Variants in ALCAM observed in about 807,000 individuals in gnomAD.
ALCAM encodes activated leukocyte cell adhesion molecule, also known as CD166 antigen.
ALCAM carries 30 observed loss-of-function variants against 70.9 expected under a neutral mutation model. That is an observed-to-expected ratio of 0.42 (90% CI 0.32 to 0.57). ALCAM has a LOEUF of 0.57. Among genes scored for constraint, ALCAM ranks in the 20% least tolerant of loss-of-function variants. The pLI, the probability that ALCAM is intolerant of heterozygous loss-of-function variation, is 0.11. For missense variants in ALCAM, 591 were observed against 695.1 expected (o/e 0.85, Z 1.68); for synonymous variants, 249 against 242.5 (o/e 1.03, Z -0.25).
chr3:105,428,867 G>GA (rs1311544840), intron 1 of ALCAM, among the ~76,000 whole-genome samples: 4 of 151,764 alleles, frequency 2.6e-5, no homozygotes, highest in Admixed American at 2.6e-4. Flanking sequence ...CTTTAAAAAA[G>GA]AAAAAATGAA....
At chr3:105,520,251 A>G in intron 2 of ALCAM, 84 bp downstream of exon 2, 2 of 960,540 alleles carry the variant, frequency 2.1e-6, no homozygotes, top group Non-Finnish European at 1.7e-6. Context: ...TGAATTTCAA[A>G]TTAACCTAAA....
At chr3:105,435,500 A>G (rs1937029939) in intron 1 of ALCAM, among the ~76,000 whole-genome samples, 1 of 152,230 alleles carries the variant, frequency 6.6e-6, no homozygotes, top group African/African-American at 2.4e-5. Context: ...TTTACTCTTT[A>G]TAGGGCCATA....
At chr3:105,455,398 C>A (rs1476559100) in intron 1 of ALCAM, among the ~76,000 whole-genome samples, 1 of 147,536 alleles carries the variant, frequency 6.8e-6, no homozygotes, top group African/African-American at 2.5e-5. Flanking sequence ...GCCGAGAATG[C>A]GCCACTGCAC....
At chr3:105,376,121 C>CAG (rs150234191) in intron 1 of ALCAM, among the ~76,000 whole-genome samples, 2,101 of 150,728 alleles carry the variant, frequency 0.014, 50 homozygotes, top group African/African-American at 0.047. Context: ...AAGACAGAGA[C>CAG]AGAGAGAGAG....
intron 11 of ALCAM, 45 bp downstream of exon 11, chr3:105,547,568 G>GT (rs143206743): frequency 2.5e-5 from 39 of 1,586,144 alleles, no homozygotes; most frequent in African/African-American, 1.4e-4. Flanking sequence ...CGTCCAATGC[G>GT]TTTTTTTTCC....
At chr3:105,448,394 T>C (rs1937345065) in intron 1 of ALCAM, among the ~76,000 whole-genome samples, 1 of 102,908 alleles carries the variant, frequency 9.7e-6, no homozygotes, top group Non-Finnish European at 1.9e-5. Flanking sequence ...TTGCATTTTG[T>C]AGTCTCCATT....
At chr3:105,395,466 T>C (rs1313121974) in intron 1 of ALCAM, among the ~76,000 whole-genome samples, 1 of 152,040 alleles carries the variant, frequency 6.6e-6, no homozygotes, top group Non-Finnish European at 1.5e-5. Flanking sequence ...TGTATACTCA[T>C]GTGACATATT....
intron 14 of ALCAM, among the ~76,000 whole-genome samples, chr3:105,560,618 T>C (rs1486150670): frequency 6.6e-6 from 1 of 152,128 alleles, no homozygotes; most frequent in African/African-American, 2.4e-5. Context: ...TATCCCAAAA[T>C]GGCAAAGGTA....
chr3:105,405,009 G>A (rs1936186668), intron 1 of ALCAM, among the ~76,000 whole-genome samples: 1 of 152,048 alleles, frequency 6.6e-6, no homozygotes, highest in East Asian at 1.9e-4. Context: ...CCAGTGGGGT[G>A]GCTCATACCT....
chr3:105,411,979 C>A (rs915449949), intron 1 of ALCAM, among the ~76,000 whole-genome samples: 2 of 151,586 alleles, frequency 1.3e-5, no homozygotes, highest in Admixed American at 6.6e-5. Flanking sequence ...GGAGCAAAGG[C>A]GAAAAAAATC....
At chr3:105,379,378 A>G (rs1559770717) in intron 1 of ALCAM, among the ~76,000 whole-genome samples, 1 of 151,910 alleles carries the variant, frequency 6.6e-6, no homozygotes, top group Admixed American at 6.6e-5. Context: ...AGAATGTTTC[A>G]TAATCTCAAT....
rs1190374582 is a variant in ALCAM at position 105,575,339 on chromosome 3, T to C, written c.*888T>C. 1 of 152,590 alleles carries C rather than the reference T, an allele frequency of 6.6e-6. No individual in the cohort carries two copies. The highest frequency in any genetic ancestry group is 2.4e-5 in the African/African-American group (1 of 41,454). The allele number at this position is 152,590 out of a possible 1,614,324, so 9.5% of individuals were successfully genotyped here. A position where few individuals can be genotyped will look rare whatever the true frequency, so the allele number is the denominator to read the frequency against. ...AATTACAAATTGGTGTTAAATCCTTTGGGTTATCCACTGCCTTAAAATTAT... is the reference window on the plus strand; with the variant it reads ...AATTACAAATTGGTGTTAAATCCTTCGGGTTATCCACTGCCTTAAAATTAT... On this transcript the variant is annotated 3_prime_UTR_variant, in exon 16 of 16. Coordinates refer to ENST00000306107, the MANE Select transcript of ALCAM (RefSeq NM_001627.4).
chr3:105,388,195 G>A (rs953746252), intron 1 of ALCAM, among the ~76,000 whole-genome samples: 4 of 151,608 alleles, frequency 2.6e-5, no homozygotes, highest in African/African-American at 9.7e-5. Flanking sequence ...AGAGCAATTA[G>A]ATTTGGTTCA....
intron 1 of ALCAM, among the ~76,000 whole-genome samples, chr3:105,431,300 C>T (rs193300887): frequency 6.6e-6 from 1 of 152,190 alleles, no homozygotes; most frequent in South Asian, 2.1e-4. Context: ...GTTTGGCTGA[C>T]TTGGGCAGGG....
intron 14 of ALCAM, among the ~76,000 whole-genome samples, chr3:105,564,814 G>A (rs1247868010): frequency 2.0e-5 from 3 of 152,208 alleles, no homozygotes; most frequent in Non-Finnish European, 2.9e-5. Flanking sequence ...GGGAGGCCGA[G>A]GCAGGCAGAT....
At chr3:105,498,342 G>A (rs1296377924) in intron 1 of ALCAM, among the ~76,000 whole-genome samples, 1 of 152,116 alleles carries the variant, frequency 6.6e-6, no homozygotes, top group East Asian at 1.9e-4. Context: ...AATGTAAAAT[G>A]TCAGCATAAG....
At position 105,575,389 on chromosome 3, in the gene ALCAM, T is replaced by G. The variant is rs184572287; in HGVS notation, c.*938T>G. 1.4e-4 allele frequency: 22 copies of G among 152,714 alleles called. No homozygotes were observed. The highest frequency in any genetic ancestry group is 4.6e-4 in the African/African-American group (19 of 41,570). 9.5% of individuals were successfully genotyped at this position (152,714 alleles called of 1,614,324 possible). ...TACCTATTTCATGTTTAAAAAGATA[T>G]CAATCAGAATTGGAGTTTTTAACAG... On this transcript the variant is annotated 3_prime_UTR_variant, in exon 16 of 16. Transcript: ENST00000306107.
At chr3:105,379,356 G>A (rs1935455324) in intron 1 of ALCAM, among the ~76,000 whole-genome samples, 1 of 151,746 alleles carries the variant, frequency 6.6e-6, no homozygotes, top group African/African-American at 2.4e-5. Context: ...AAACTGAAAA[G>A]TATATTTTAT....
At chr3:105,526,671 A>G (rs897549870) in intron 3 of ALCAM, among the ~76,000 whole-genome samples, 2 of 152,164 alleles carry the variant, frequency 1.3e-5, no homozygotes, top group African/African-American at 4.8e-5. Context: ...TATGATAAAG[A>G]CAATGTTTAC....
Sources: gnomAD v4.1 joint callset for allele counts (sites outside exome capture counted in the v4.1 genomes callset) on GRCh38, gnomAD v4.1.1 for gene constraint, MANE v1.5 for transcripts, NCBI Gene and HGNC (gene_info 2026-07-23, HGNC 2026-07-21) for gene names.